The following CRISPLD2 variants were observed in gnomAD, a reference collection of about 807,000 sequenced individuals.
CRISPLD2 encodes the protein cysteine-rich secretory protein LCCL domain-containing 2.
Under a neutral mutation model 71.1 loss-of-function variants are expected in CRISPLD2, and 47 were observed. That is an observed-to-expected ratio of 0.66 (90% confidence interval 0.52 to 0.84). The LOEUF is 0.84. Among genes scored for constraint, CRISPLD2 ranks in the 40% least tolerant of loss-of-function variants. The pLI is 0.00. For missense variants in CRISPLD2, 830 were observed against 651.1 expected (o/e 1.27, Z -2.99); for synonymous variants, 317 against 250.1 (o/e 1.27, Z -2.52).
At chr16:84,883,292 C>T (rs889956638) in intron 13 of CRISPLD2, among the ~76,000 whole-genome samples, 4 of 152,134 alleles carry the variant, frequency 2.6e-5, no homozygotes, top group Non-Finnish European at 4.4e-5. Context: ...GGGAGAGTTG[C>T]CTCCAGACCT....
At chr16:84,872,310 A>G (rs2071477845) in intron 8 of CRISPLD2, 132 bp from the exon 9 acceptor site, 2 of 786,904 alleles carry the variant, frequency 2.5e-6, no homozygotes, top group South Asian at 3.1e-5. Context: ...TTGTCCAAAA[A>G]CAATGGAATC....
intron 13 of CRISPLD2, among the ~76,000 whole-genome samples, chr16:84,882,344 A>G (rs2071575103): frequency 8.0e-6 from 1 of 125,484 alleles, no homozygotes; most frequent in Non-Finnish European, 1.6e-5. Context: ...TAAACCAATA[A>G]AGCAAAAAAA....
chr16:84,839,473 T>C (rs559403453), intron 2 of CRISPLD2: 162 of 161,524 alleles, frequency 1.0e-3, no homozygotes, highest in Non-Finnish European at 3.0e-4. Context: ...GTGAGATAAG[T>C]CGAGGCTGTG....
intron 1 of CRISPLD2, chr16:84,836,212 A>G (rs1194836908): frequency 6.6e-6 from 1 of 152,186 alleles, no homozygotes. Context: ...CATTATGTAC[A>G]TGCAAATCAG....
intron 13 of CRISPLD2, among the ~76,000 whole-genome samples, chr16:84,884,437 A>C (rs1382881886): frequency 6.6e-6 from 1 of 152,208 alleles, no homozygotes; most frequent in Non-Finnish European, 1.5e-5. Flanking sequence ...TTATATGGAG[A>C]AAGGCGGGGC....
At chr16:84,879,369 T>A (rs1418392970) in intron 12 of CRISPLD2, among the ~76,000 whole-genome samples, 4 of 151,870 alleles carry the variant, frequency 2.6e-5, no homozygotes, top group African/African-American at 9.7e-5. Flanking sequence ...TTCTTTTTTT[T>A]TTTTTTTTTT....
rs115610002 is a variant in CRISPLD2, at chr16:84,824,366, C to T, written c.-75+4233C>T. On this transcript the variant is annotated intron_variant, in intron 1 of 14. Coordinates refer to ENST00000262424, the MANE Select transcript of CRISPLD2 (RefSeq NM_031476.4). ...TGGCACTGAGAACTTGAGAACAGCTCACTCTAGAATGAACTGTGTCCTCCA... is the reference window on the plus strand; with the variant it reads ...TGGCACTGAGAACTTGAGAACAGCTTACTCTAGAATGAACTGTGTCCTCCA... Among the ~76,000 whole-genome samples the T allele has an allele frequency of 3.8e-3, 584 of 152,326 alleles. 3 individuals are homozygous for T. Among genetic ancestry groups the T allele is most frequent in the African/African-American group, 0.013 (554 of 41,580 alleles).
chr16:84,852,286 G>A (rs1336002938), intron 5 of CRISPLD2, among the ~76,000 whole-genome samples: 1 of 152,200 alleles, frequency 6.6e-6, no homozygotes, highest in Non-Finnish European at 1.5e-5. Context: ...CACGGCAATA[G>A]CCCTCTACCC....
intron 14 of CRISPLD2, among the ~76,000 whole-genome samples, chr16:84,896,854 A>C (rs2071710883): frequency 1.3e-5 from 2 of 152,262 alleles, no homozygotes; most frequent in Admixed American, 6.5e-5. Context: ...CAGAAGACTA[A>C]GCACTCAGGG....
Position 84,882,530 on chromosome 16 carries a change from G to A in CRISPLD2, c.1305+1946G>A, listed in dbSNP as rs866477323. On this transcript the variant is annotated intron_variant, in intron 13 of 14. Coordinates refer to ENST00000262424, the MANE Select transcript of CRISPLD2 (RefSeq NM_031476.4). ...AGAGATTCTCCTGCCTCAGCCTCCC[G>A]AGTGGCTGGGATTACAGGCACCCGT... Among the ~76,000 whole-genome samples the A allele has an allele frequency of 5.3e-5, 8 of 152,044 alleles. No homozygotes were observed. In the Middle Eastern group the frequency reaches 0.01, roughly 194 times the overall value.
At chr16:84,886,044 C>T (rs2071610286) in intron 13 of CRISPLD2, among the ~76,000 whole-genome samples, 1 of 152,052 alleles carries the variant, frequency 6.6e-6, no homozygotes, top group Admixed American at 6.6e-5. Context: ...TCATCTTGAT[C>T]CATGCCCAGC....
chr16:84,888,653 C>T (rs367648011), intron 13 of CRISPLD2, among the ~76,000 whole-genome samples: 1 of 152,250 alleles, frequency 6.6e-6, no homozygotes, highest in Non-Finnish European at 1.5e-5. Context: ...TGTATTCCAG[C>T]CACCCTGGCT....
At chr16:84,874,933 AT>A (rs2071504824) in intron 11 of CRISPLD2, among the ~76,000 whole-genome samples, 3 of 152,072 alleles carry the variant, frequency 2.0e-5, no homozygotes, top group South Asian at 2.1e-4. Context: ...TGGTAACCTA[AT>A]TTTTTTCTTA....
chr16:84,869,618 G>A (rs2143279629), intron 8 of CRISPLD2, among the ~76,000 whole-genome samples: 1 of 152,290 alleles, frequency 6.6e-6, no homozygotes, highest in South Asian at 2.1e-4. Context: ...TTGGTGAGAT[G>A]AGCCTCATGT....
rs201194618 is a variant in CRISPLD2, at chr16:84,872,499, C to G, written c.972C>G (p.Phe324Leu). 8 of 1,613,582 alleles carry G rather than the reference C, an allele frequency of 5.0e-6. No individual in the cohort carries two copies. Among genetic ancestry groups the G allele is most frequent in the African/African-American group, 1.3e-5 (1 of 75,004 alleles). Residue 324 changes from phenylalanine (F) to leucine (L), a missense_variant, in exon 9 of 15, where the codon TTC becomes TTG. Phe to Leu is a conservative substitution (Grantham distance 22). Coordinates refer to ENST00000262424, the MANE Select transcript of CRISPLD2 (RefSeq NM_031476.4). ...NHKAKIFGTLFYESSSSICRA... is the reference protein window; with the variant it reads ...NHKAKIFGTLLYESSSSICRA... The stretch of plus-strand genomic sequence containing the variant: ...AGGCGAAGATCTTTGGAACTCTGTT[C>G]TATGAAAGCGTGAGTGTGGCCAGTC...
intron 8 of CRISPLD2, 44 bp from the exon 9 acceptor site, chr16:84,872,398 C>T (rs772821614): frequency 2.0e-6 from 3 of 1,492,410 alleles, no homozygotes; most frequent in Middle Eastern, 1.7e-4. Flanking sequence ...GAGATGTAAT[C>T]AACGTGCTTA....
chr16:84,843,334 C>A (rs1916827049), intron 2 of CRISPLD2, among the ~76,000 whole-genome samples: 1 of 152,226 alleles, frequency 6.6e-6, no homozygotes, highest in Non-Finnish European at 1.5e-5. Flanking sequence ...GAGAAAGCGG[C>A]TTGGAAACGT....
chr16:84,851,433 C>G (rs1287291122), intron 5 of CRISPLD2, among the ~76,000 whole-genome samples: 1 of 151,422 alleles, frequency 6.6e-6, no homozygotes, highest in African/African-American at 2.4e-5. Flanking sequence ...GCCGTTCTTG[C>G]CCCGTGCCCT....
chr16:84,873,408 G>T (rs2071489384), intron 10 of CRISPLD2: 1 of 206,606 alleles, frequency 4.8e-6, no homozygotes, highest in Non-Finnish European at 9.6e-6. Context: ...TGAGGCCGAG[G>T]CAGAGGTTGC....
Sources: allele counts gnomAD v4.1 joint callset (sites outside exome capture counted in the v4.1 genomes callset), GRCh38; gene constraint gnomAD v4.1.1; transcripts MANE v1.5; gene names NCBI Gene and HGNC (gene_info 2026-07-23, HGNC 2026-07-21).